SLC5A10: variants seen among roughly 807,000 people sequenced by gnomAD.
The protein encoded by SLC5A10 is solute carrier family 5 member 10.
Under a neutral mutation model 68.9 loss-of-function variants are expected in SLC5A10, and 55 were observed. The ratio of observed to expected loss-of-function variants is 0.80; its 90% CI spans 0.64 to 1.00. The LOEUF is 1.00. Ranked by LOEUF, SLC5A10 falls within the 50% of genes least tolerant of loss-of-function variation. SLC5A10 has a pLI of 0.00. For synonymous variants in SLC5A10, 344 were observed against 344.8 expected, an observed-to-expected ratio of 1.00 and a Z score of 0.02; for missense variants, 732 against 819.3, an observed-to-expected ratio of 0.89 and a Z score of 1.30.
chr17:19,001,356 C>T (rs138121760), intron 9 of SLC5A10, among the ~76,000 whole-genome samples: 2 of 152,330 alleles, frequency 1.3e-5, no homozygotes, highest in East Asian at 1.9e-4. Context: ...GGAGCTTAGT[C>T]TCTACTGCCT....
chr17:19,022,402 G>T lies in SLC5A10; in HGVS notation c.*1971G>T, dbSNP rs1450539950. The T allele has an allele frequency of 2.6e-6, 1 of 380,332 alleles. No homozygotes were observed. The allele number at this position is 380,332 out of a possible 1,614,324, so 23.6% of individuals were successfully genotyped here. ...GCCGCCCAGCTGGGACAATAGGGCT[G>T]GTGGGTCAGGGGACCTGAGTCCTGG... On this transcript the variant is annotated 3_prime_UTR_variant, in exon 15 of 15. Transcript: ENST00000395645.
chr17:19,015,725 C>T (rs1273801507), intron 11 of SLC5A10, among the ~76,000 whole-genome samples: 1 of 152,204 alleles, frequency 6.6e-6, no homozygotes, highest in Non-Finnish European at 1.5e-5. Context: ...TGCAGTCCTC[C>T]CTGAGACCCT....
rs2043814749 is a variant in SLC5A10 at position 19,004,167 on chromosome 17, A to G, written c.983-9243A>G. 1.1e-6 allele frequency: 1 copy of G among 937,204 alleles called. No individual in the cohort carries two copies. Among genetic ancestry groups the G allele is most frequent in the Non-Finnish European group, 1.5e-6 (1 of 649,282 alleles). The allele number at this position is 937,204 out of a possible 1,614,324, so 58.1% of individuals were successfully genotyped here. A position where few individuals can be genotyped will look rare whatever the true frequency, so the allele number is the denominator to read the frequency against. On this transcript the variant is annotated intron_variant, in intron 9 of 14. Transcript: ENST00000395645. The surrounding 1 kb of genome is among the most constrained non-coding windows in gnomAD (Gnocchi z 5.4). The stretch of plus-strand genomic sequence containing the variant: ...GGCCTCTGCTTCTCTGCCCATGAGC[A>G]ATCTGCGGGAAAGACCTGATGAGCC...
rs36006919 is a variant in SLC5A10, at chr17:19,007,193, A to ATTT, written c.983-6202_983-6200dup. Among the ~76,000 whole-genome samples the ATTT allele has an allele frequency of 5.3e-3, 713 of 133,656 alleles. 7 individuals are homozygous for ATTT. Among genetic ancestry groups the ATTT allele is most frequent in the Non-Finnish European group, 8.3e-3 (523 of 63,210 alleles). 87.7% of individuals were successfully genotyped at this position (133,656 alleles called of 152,430 possible). ...CTTGCCAACATGTGGTGTTACCGCT[A>ATTT]TTTTTTTTTTTTTTTTTGGCCATTC... On this transcript the variant is annotated intron_variant, in intron 9 of 14. Transcript: ENST00000395645.
intron 8 of SLC5A10, among the ~76,000 whole-genome samples, chr17:18,973,157 G>T (rs559311488): frequency 1.3e-5 from 2 of 152,322 alleles, no homozygotes; most frequent in Non-Finnish European, 2.9e-5. Context: ...GTAGGCAAGT[G>T]GTACCCTGCC....
intron 5 of SLC5A10, among the ~76,000 whole-genome samples, chr17:18,966,395 C>T (rs1455698827): frequency 1.3e-5 from 2 of 152,152 alleles, no homozygotes; most frequent in African/African-American, 4.8e-5. Flanking sequence ...ATTTTGTTCC[C>T]AGAGTTTTGC....
intron 5 of SLC5A10, among the ~76,000 whole-genome samples, chr17:18,966,944 T>C (rs532311610): frequency 2.6e-5 from 4 of 152,116 alleles, no homozygotes; most frequent in Admixed American, 2.6e-4. Context: ...CACTTCCCCA[T>C]GGCACAGATC....
chr17:19,015,336 T>G, intron 11 of SLC5A10, 137 bp downstream of exon 11: 2 of 621,430 alleles, frequency 3.2e-6, no homozygotes, highest in Non-Finnish European at 5.6e-6. Flanking sequence ...AGGGCCAGTG[T>G]ACCCCATCCA....
Position 18,971,523 on chromosome 17 carries a change from T to C in SLC5A10, c.846+305T>C. On this transcript the variant is annotated intron_variant, in intron 8 of 14. Transcript: ENST00000395645. This position sits in a 1 kb window ranked among gnomAD's most constrained non-coding sequence, Gnocchi z 5.5. ...TCCTCGGTGGCCCTGCCATCGGTCATGGGGCGGGCATTTTGGGCCAGTCTT... is the reference window on the plus strand; with the variant it reads ...TCCTCGGTGGCCCTGCCATCGGTCACGGGGCGGGCATTTTGGGCCAGTCTT... 1.2e-6 allele frequency: 2 copies of C among 1,613,896 alleles called. No homozygotes were observed. The highest frequency in any genetic ancestry group is 1.7e-6 in the Non-Finnish European group (2 of 1,179,994).
chr17:19,007,057 T>C (rs1445607405), intron 9 of SLC5A10, among the ~76,000 whole-genome samples: 1 of 152,258 alleles, frequency 6.6e-6, no homozygotes, highest in Non-Finnish European at 1.5e-5. Context: ...AAGAGTGTTA[T>C]TCCTGGGTCC....
chr17:18,961,988 G>T (rs759975563), intron 5 of SLC5A10, among the ~76,000 whole-genome samples: 1 of 152,350 alleles, frequency 6.6e-6, no homozygotes, highest in Non-Finnish European at 1.5e-5. Flanking sequence ...TTCTCTGGGA[G>T]CCCTTTAGAG....
intron 9 of SLC5A10, among the ~76,000 whole-genome samples, chr17:19,006,466 T>A (rs1436657067): frequency 6.6e-6 from 1 of 151,030 alleles, no homozygotes; most frequent in African/African-American, 2.4e-5. Context: ...CTCAAACTCC[T>A]GGCCTCAAGT....
At chr17:19,011,809 G>GGTAGGGGAC (rs1567812185) in intron 9 of SLC5A10, among the ~76,000 whole-genome samples, 21 of 151,440 alleles carry the variant, frequency 1.4e-4, no homozygotes, top group African/African-American at 4.9e-4. Context: ...GGGTAGGGGG[G>GGTAGGGGAC]ACTGCCAGGG....
chr17:18,966,854 G>A (rs898420009), intron 5 of SLC5A10, among the ~76,000 whole-genome samples: 4 of 152,156 alleles, frequency 2.6e-5, no homozygotes, highest in African/African-American at 7.2e-5. Context: ...AGCATCCCGT[G>A]CCAGGGTGAG....
intron 9 of SLC5A10, among the ~76,000 whole-genome samples, chr17:19,009,627 G>A (rs772451478): frequency 1.3e-5 from 2 of 152,166 alleles, no homozygotes; most frequent in Non-Finnish European, 1.5e-5. Context: ...TTAGGGAGTA[G>A]AGAGCACCTT....
rs2042753110 is a variant in SLC5A10, at chr17:18,968,342, G to T, written c.454-710G>T. Among the ~76,000 whole-genome samples, 1 of 152,186 alleles carries T rather than the reference G, an allele frequency of 6.6e-6. No homozygotes were observed. Among genetic ancestry groups the T allele is most frequent in the Non-Finnish European group, 1.5e-5 (1 of 68,036 alleles). On this transcript the variant is annotated intron_variant, in intron 5 of 14. Transcript: ENST00000395645. The surrounding 1 kb of genome is among the most constrained non-coding windows in gnomAD (Gnocchi z 4.1). ...TACTAGCCCATGTCCCAGAGAACAG[G>T]GTCCTGCCCTTCCTCTCACTGGGCC...
At chr17:18,985,815 C>A (rs1020855896) in intron 9 of SLC5A10, among the ~76,000 whole-genome samples, 1 of 152,190 alleles carries the variant, frequency 6.6e-6, no homozygotes. Flanking sequence ...CAGGGACCTG[C>A]AGTGCCAGCT....
At chr17:19,012,042 A>G (rs879757807) in intron 9 of SLC5A10, among the ~76,000 whole-genome samples, 1 of 152,112 alleles carries the variant, frequency 6.6e-6, no homozygotes, top group Non-Finnish European at 1.5e-5. Flanking sequence ...GCTGTCAGTC[A>G]GCTTGTTTCT....
intron 9 of SLC5A10, among the ~76,000 whole-genome samples, chr17:19,006,570 G>A (rs990186896): frequency 6.6e-6 from 1 of 151,942 alleles, no homozygotes; most frequent in Non-Finnish European, 1.5e-5. Flanking sequence ...ACTCATTTAT[G>A]TGTGTTATAC....
Sources: allele counts gnomAD v4.1 joint callset (sites outside exome capture counted in the v4.1 genomes callset), GRCh38; gene constraint gnomAD v4.1.1; non-coding constraint Gnocchi (gnomAD v3.1); transcripts MANE v1.5; gene names NCBI Gene and HGNC (gene_info 2026-07-23, HGNC 2026-07-21).